CADPS2: variants seen among roughly 807,000 people sequenced by gnomAD.
CADPS2 encodes the protein calcium dependent secretion activator 2.
Under a neutral mutation model 172.5 loss-of-function variants are expected in CADPS2, and 93 were observed. The ratio of observed to expected loss-of-function variants is 0.54; its 90% CI spans 0.46 to 0.64. The LOEUF is 0.64. CADPS2 is among the 30% of genes least tolerant of loss of function. The pLI is 0.00. For missense variants in CADPS2, 1,420 were observed against 1,565.9 expected (o/e 0.91, Z 1.57); for synonymous variants, 546 against 555.2 (o/e 0.98, Z 0.23).
chr7:122,326,112 C>A (rs550501635), intron 28 of CADPS2, among the ~76,000 whole-genome samples: 1 of 151,064 alleles, frequency 6.6e-6, no homozygotes, highest in Non-Finnish European at 1.5e-5. Context: ...AAACAGTAAT[C>A]CTCAATCACA....
chr7:122,755,577 A>G (rs190978599), intron 1 of CADPS2, among the ~76,000 whole-genome samples: 31 of 152,258 alleles, frequency 2.0e-4, no homozygotes, highest in African/African-American at 7.0e-4. Flanking sequence ...AAAACAAAAG[A>G]ACTTCCAGTA....
At chr7:122,375,193 G>A (rs1014579307) in intron 25 of CADPS2, among the ~76,000 whole-genome samples, 5 of 151,738 alleles carry the variant, frequency 3.3e-5, no homozygotes, top group Non-Finnish European at 5.9e-5. Context: ...AACAGAAAAA[G>A]CAATCCAATC....
intron 19 of CADPS2, among the ~76,000 whole-genome samples, chr7:122,410,443 CTTTTTT>C (rs5887087): frequency 7.2e-6 from 1 of 138,332 alleles, no homozygotes; most frequent in South Asian, 2.3e-4. Context: ...CTTGGAAAGC[CTTTTTT>C]TTTTTTTTTT....
At chr7:122,548,291 T>G (rs1483860147) in intron 8 of CADPS2, among the ~76,000 whole-genome samples, 1 of 152,020 alleles carries the variant, frequency 6.6e-6, no homozygotes, top group East Asian at 1.9e-4. Flanking sequence ...GAGGGTCACT[T>G]GAGCCCAGGA....
intron 3 of CADPS2, among the ~76,000 whole-genome samples, chr7:122,654,418 G>C (rs375850370): frequency 2.0e-5 from 3 of 152,190 alleles, no homozygotes; most frequent in Non-Finnish European, 4.4e-5. Context: ...TGACTCTCTT[G>C]TTAGTGGCTA....
chr7:122,380,407 C>T (rs1389927572), intron 24 of CADPS2, among the ~76,000 whole-genome samples: 2 of 152,060 alleles, frequency 1.3e-5, no homozygotes, highest in East Asian at 3.9e-4. Flanking sequence ...TCAATATAAA[C>T]ATTAGACCAA....
rs2031809225 is a variant in CADPS2 at position 122,318,777 on chromosome 7, G to C, written c.*1388C>G. Reference sequence around the variant, plus strand: ...TAGATTAAATAGATTTTTAAGGCTAGTCTAGGTACCTAACGACCACTTATT... The same window carrying C: ...TAGATTAAATAGATTTTTAAGGCTACTCTAGGTACCTAACGACCACTTATT... On this transcript the variant is annotated 3_prime_UTR_variant, in exon 30 of 30. Transcript: ENST00000449022. 1 of 152,202 alleles carries C rather than the reference G, an allele frequency of 6.6e-6. No individual in the cohort carries two copies. The highest frequency in any genetic ancestry group is 2.4e-5 in the African/African-American group (1 of 41,456). The allele number at this position is 152,202 out of a possible 1,614,324, so 9.4% of individuals were successfully genotyped here. A position where few individuals can be genotyped will look rare whatever the true frequency, so the allele number is the denominator to read the frequency against.
At chr7:122,695,085 G>A (rs1042553048) in intron 2 of CADPS2, among the ~76,000 whole-genome samples, 5 of 152,146 alleles carry the variant, frequency 3.3e-5, no homozygotes, top group Admixed American at 2.0e-4. Flanking sequence ...ATTCTCTGCA[G>A]GACAGTTGCA....
chr7:122,719,012 TAC>T (rs150731953), intron 2 of CADPS2, among the ~76,000 whole-genome samples: 22,644 of 151,998 alleles, frequency 0.15, 1,754 homozygotes, highest in Non-Finnish European at 0.16. Flanking sequence ...GCCATAAATG[TAC>T]ACAATTTTGA....
At chr7:122,651,239 T>C (rs1309398284) in intron 3 of CADPS2, among the ~76,000 whole-genome samples, 2 of 143,754 alleles carry the variant, frequency 1.4e-5, no homozygotes, top group Non-Finnish European at 3.0e-5. Flanking sequence ...AAACCTATTA[T>C]CAATCACAGG....
At chr7:122,405,097 AAAAC>A (rs1370140146) in intron 20 of CADPS2, among the ~76,000 whole-genome samples, 8 of 152,116 alleles carry the variant, frequency 5.3e-5, no homozygotes, top group Non-Finnish European at 8.8e-5. Flanking sequence ...AAAACAAAAC[AAAAC>A]AAACAAACAA....
At chr7:122,851,176 G>A (rs1250293516) in intron 1 of CADPS2, among the ~76,000 whole-genome samples, 1 of 152,236 alleles carries the variant, frequency 6.6e-6, no homozygotes, top group African/African-American at 2.4e-5. Flanking sequence ...AACAGGAGAA[G>A]GCAGGGAGCA....
chr7:122,515,760 A>G (rs1396531347), intron 8 of CADPS2, among the ~76,000 whole-genome samples: 1 of 150,680 alleles, frequency 6.6e-6, no homozygotes, highest in Non-Finnish European at 1.5e-5. Context: ...TTGCACATGT[A>G]TATATATGTA....
At chr7:122,477,815 C>CA (rs996770782) in intron 12 of CADPS2, among the ~76,000 whole-genome samples, 2 of 152,068 alleles carry the variant, frequency 1.3e-5, no homozygotes, top group African/African-American at 4.8e-5. Flanking sequence ...ATCTACTTAA[C>CA]AAAAATCACT....
chr7:122,490,404 T>A, intron 10 of CADPS2, 123 bp from the exon 11 acceptor site: 1 of 711,460 alleles, frequency 1.4e-6, no homozygotes, highest in Non-Finnish European at 2.3e-6. Flanking sequence ...TTTTAAAGAA[T>A]ATTTAGTTTA....
At chr7:122,696,095 C>T (rs909174741) in intron 2 of CADPS2, among the ~76,000 whole-genome samples, 22 of 152,248 alleles carry the variant, frequency 1.4e-4, no homozygotes, top group Non-Finnish European at 2.5e-4. Context: ...AGCCACCCCA[C>T]CCCCATCCGC....
chr7:122,882,453 T>C (rs1272826666), intron 1 of CADPS2, among the ~76,000 whole-genome samples: 4 of 152,152 alleles, frequency 2.6e-5, no homozygotes, highest in African/African-American at 7.2e-5. Flanking sequence ...CTATGGATTC[T>C]AATCAAAACT....
At chr7:122,777,898 A>G (rs2093934059) in intron 1 of CADPS2, among the ~76,000 whole-genome samples, 1 of 152,146 alleles carries the variant, frequency 6.6e-6, no homozygotes, top group Non-Finnish European at 1.5e-5. Flanking sequence ...ACTGGTACCC[A>G]TAGAGTGGGG....
intron 20 of CADPS2, among the ~76,000 whole-genome samples, chr7:122,402,356 G>A (rs2046058875): frequency 6.6e-6 from 1 of 152,136 alleles, no homozygotes; most frequent in Non-Finnish European, 1.5e-5. Context: ...TGGAGACCCA[G>A]TACTCAGGCT....
Sources: gnomAD v4.1 joint callset for allele counts (sites outside exome capture counted in the v4.1 genomes callset) on GRCh38, gnomAD v4.1.1 for gene constraint, MANE v1.5 for transcripts, NCBI Gene and HGNC (gene_info 2026-07-23, HGNC 2026-07-21) for gene names.